The following PAIP2B variants were observed in gnomAD, a reference collection of about 807,000 sequenced individuals.
PAIP2B encodes the protein poly(A) binding protein interacting protein 2B.
A neutral mutation model predicts 17.0 loss-of-function variants in PAIP2B; 13 were observed. That is an observed-to-expected ratio of 0.76 (90% CI 0.50 to 1.22). The LOEUF is 1.22. PAIP2B is among the 50% of genes most tolerant of loss of function. The pLI, the probability that PAIP2B is intolerant of heterozygous loss-of-function variation, is 0.00. For missense variants in PAIP2B, 117 were observed against 144.5 expected (o/e 0.81, Z 0.98); for synonymous variants, 43 against 48.7 (o/e 0.88, Z 0.48).
At chr2:71,224,318 G>C (rs975137059) in intron 1 of PAIP2B, among the ~76,000 whole-genome samples, 1 of 152,174 alleles carries the variant, frequency 6.6e-6, no homozygotes, top group Non-Finnish European at 1.5e-5. Context: ...AATTAATTTT[G>C]TAATCTGTGT....
In PAIP2B at chr2:71,187,686, G is replaced by A. The variant is rs1480343332; in HGVS notation, c.*793C>T. ...AGTATCTTTTCTTAAAAAGGAGGCT[G>A]GGGAATAGACTTCATGAAAGATGAG... On this transcript the variant is annotated 3_prime_UTR_variant, in exon 4 of 4. Transcript: ENST00000244221. 6.6e-6 allele frequency: 1 copy of A among 152,110 alleles called. No individual in the cohort carries two copies. Among genetic ancestry groups the A allele is most frequent in the African/African-American group, 2.4e-5 (1 of 41,398 alleles). The allele number at this position is 152,110 out of a possible 1,614,324, so 9.4% of individuals were successfully genotyped here. A position where few individuals can be genotyped will look rare whatever the true frequency, so the allele number is the denominator to read the frequency against.
At chr2:71,201,336 G>A (rs976825177) in intron 2 of PAIP2B, among the ~76,000 whole-genome samples, 21 of 151,692 alleles carry the variant, frequency 1.4e-4, no homozygotes, top group African/African-American at 5.1e-4. Context: ...AAACACGACT[G>A]TTCTAAAATC....
chr2:71,188,721 C>T (rs1572918496), intron 3 of PAIP2B, among the ~76,000 whole-genome samples, 186 bp from the exon 4 acceptor site: 1 of 152,198 alleles, frequency 6.6e-6, no homozygotes, highest in East Asian at 1.9e-4. Flanking sequence ...TCATCTTCTC[C>T]TTCCTTCTTT....
At chr2:71,194,628 C>A (rs1395113666) in intron 2 of PAIP2B, among the ~76,000 whole-genome samples, 3 of 152,132 alleles carry the variant, frequency 2.0e-5, no homozygotes, top group African/African-American at 7.2e-5. Context: ...GCTAAAGGAG[C>A]TTTTGGGCTG....
intron 1 of PAIP2B, among the ~76,000 whole-genome samples, chr2:71,209,867 C>G (rs990772658): frequency 2.0e-5 from 3 of 151,940 alleles, no homozygotes; most frequent in African/African-American, 7.3e-5. Flanking sequence ...TCTGTCGCCC[C>G]AGGCTGGAGT....
At chr2:71,209,828 CT>C (rs35505740) in intron 1 of PAIP2B, among the ~76,000 whole-genome samples, 216 of 147,126 alleles carry the variant, frequency 1.5e-3, no homozygotes, top group Middle Eastern at 0.011. Context: ...TCACATAGAA[CT>C]TTTTTTTTTT....
chr2:71,188,899 ACT>A (rs1442380019), intron 3 of PAIP2B, among the ~76,000 whole-genome samples: 1 of 150,858 alleles, frequency 6.6e-6, no homozygotes, highest in East Asian at 2.0e-4. Flanking sequence ...ATCTTTCTGT[ACT>A]CTCTTTGGTT....
intron 2 of PAIP2B, among the ~76,000 whole-genome samples, chr2:71,198,373 C>T (rs1032355382): frequency 1.5e-4 from 22 of 151,576 alleles, no homozygotes; most frequent in Non-Finnish European, 2.8e-4. Flanking sequence ...GCAAGCTCCG[C>T]CTCCTGGGTT....
At chr2:71,205,537 T>C (rs535429121) in intron 1 of PAIP2B, among the ~76,000 whole-genome samples, 1 of 152,256 alleles carries the variant, frequency 6.6e-6, no homozygotes, top group South Asian at 2.1e-4. Context: ...TGGTAACTCC[T>C]AGGGAAGGCA....
intron 1 of PAIP2B, among the ~76,000 whole-genome samples, chr2:71,219,360 C>A (rs901583083): frequency 1.3e-5 from 2 of 151,204 alleles, no homozygotes; most frequent in Non-Finnish European, 2.9e-5. Context: ...ATGTATGTAC[C>A]CCATGTAGGC....
intron 1 of PAIP2B, among the ~76,000 whole-genome samples, chr2:71,219,503 T>A (rs1346547242): frequency 6.6e-6 from 1 of 152,136 alleles, no homozygotes; most frequent in Non-Finnish European, 1.5e-5. Context: ...TTTACTCTTC[T>A]CATTTTTTAA....
intron 3 of PAIP2B, 145 bp downstream of exon 3, chr2:71,189,700 A>C: frequency 2.9e-6 from 2 of 689,380 alleles, no homozygotes; most frequent in Non-Finnish European, 4.6e-6. Context: ...ACCCCTTATT[A>C]ATAATGCCCA....
At chr2:71,213,182 C>G (rs545486850) in intron 1 of PAIP2B, among the ~76,000 whole-genome samples, 1 of 152,146 alleles carries the variant, frequency 6.6e-6, no homozygotes. Flanking sequence ...AAGCTTGCCA[C>G]AGTGGAATTA....
intron 2 of PAIP2B, among the ~76,000 whole-genome samples, chr2:71,192,561 A>G (rs1453615137): frequency 6.6e-6 from 1 of 152,034 alleles, no homozygotes; most frequent in Admixed American, 6.6e-5. Flanking sequence ...TCAGTACCCA[A>G]TAGTTACCTA....
At chr2:71,193,638 GGT>G (rs1674742416) in intron 2 of PAIP2B, among the ~76,000 whole-genome samples, 1 of 152,264 alleles carries the variant, frequency 6.6e-6, no homozygotes, top group East Asian at 1.9e-4. Context: ...CAGATCATGA[GGT>G]TAGTAGACTG....
At chr2:71,193,006 G>A (rs1297050005) in intron 2 of PAIP2B, among the ~76,000 whole-genome samples, 3 of 152,124 alleles carry the variant, frequency 2.0e-5, no homozygotes, top group Non-Finnish European at 2.9e-5. Flanking sequence ...TTGAGGAATC[G>A]CCATACTGCT....
chr2:71,193,935 C>A (rs1674751395), intron 2 of PAIP2B, among the ~76,000 whole-genome samples: 1 of 152,208 alleles, frequency 6.6e-6, no homozygotes, highest in Non-Finnish European at 1.5e-5. Flanking sequence ...CAAACTTCTG[C>A]ATATGGCTAG....
intron 1 of PAIP2B, among the ~76,000 whole-genome samples, chr2:71,226,589 A>G (rs1222975140): frequency 6.6e-6 from 1 of 152,020 alleles, no homozygotes; most frequent in Non-Finnish European, 1.5e-5. Flanking sequence ...AATGGGACTC[A>G]GGCCAAGAAT....
intron 1 of PAIP2B, among the ~76,000 whole-genome samples, chr2:71,210,010 G>C (rs55831906): frequency 0.045 from 6,894 of 152,108 alleles, 224 homozygotes; most frequent in Non-Finnish European, 0.069. Context: ...ATTTTTAGTA[G>C]AGACAGGGTT....
Sources: allele counts gnomAD v4.1 joint callset (sites outside exome capture counted in the v4.1 genomes callset), GRCh38; gene constraint gnomAD v4.1.1; transcripts MANE v1.5; gene names NCBI Gene and HGNC (gene_info 2026-07-23, HGNC 2026-07-21).